CUL3: variants seen among roughly 807,000 people sequenced by gnomAD.
The protein encoded by CUL3 is cullin 3, also known as cullin-3.
Under a neutral mutation model 89.1 loss-of-function variants are expected in CUL3, and 19 were observed. The observed-to-expected ratio is 0.21, with a 90% CI of 0.15 to 0.31. CUL3 has a LOEUF of 0.31. Ranked by LOEUF, CUL3 falls within the 10% of genes least tolerant of loss-of-function variation. The pLI, the probability that CUL3 is intolerant of heterozygous loss-of-function variation, is 1.00. For missense variants in CUL3, 469 were observed against 942.3 expected (o/e 0.50, Z 6.58); for synonymous variants, 351 against 308.4 (o/e 1.14, Z -1.45).
chr2:224,479,048 C>G (rs1442558692), intron 14 of CUL3: 1 of 152,176 alleles, frequency 6.6e-6, no homozygotes, highest in Non-Finnish European at 1.5e-5. Context: ...AAGGGAAATA[C>G]AGAAGTCGTC....
chr2:224,494,804 T>A (rs973957686), intron 13 of CUL3, among the ~76,000 whole-genome samples: 17 of 151,896 alleles, frequency 1.1e-4, no homozygotes, highest in Non-Finnish European at 1.8e-4. Flanking sequence ...ATTGAAAAAA[T>A]AAAAGTAAAT....
intron 3 of CUL3, among the ~76,000 whole-genome samples, chr2:224,529,595 C>T (rs1006386755): frequency 6.6e-6 from 1 of 151,588 alleles, no homozygotes; most frequent in Non-Finnish European, 1.5e-5. Context: ...TGCCACTGTA[C>T]TCCGAGACTC....
intron 13 of CUL3, among the ~76,000 whole-genome samples, chr2:224,487,487 T>A: frequency 8.7e-6 from 1 of 114,818 alleles, no homozygotes; most frequent in Admixed American, 9.4e-5. Context: ...AATCCTAGTC[T>A]CTGATAAAAA....
intron 3 of CUL3, among the ~76,000 whole-genome samples, chr2:224,515,349 T>C (rs925076469): frequency 1.3e-5 from 2 of 152,246 alleles, no homozygotes; most frequent in East Asian, 3.8e-4. Context: ...TCTCAGTTTA[T>C]AAAGCACAGA....
intron 2 of CUL3, among the ~76,000 whole-genome samples, chr2:224,537,324 AT>A (rs1693934057): frequency 6.6e-6 from 1 of 152,204 alleles, no homozygotes; most frequent in South Asian, 2.1e-4. Context: ...ATGAGACAAT[AT>A]ATCTAGTCTA....
chr2:224,496,426 T>C (rs1043750050), intron 12 of CUL3, among the ~76,000 whole-genome samples: 1 of 152,174 alleles, frequency 6.6e-6, no homozygotes, highest in Non-Finnish European at 1.5e-5. Context: ...ATAAAGGAAA[T>C]CTATTTCTTA....
At chr2:224,510,908 T>C (rs1692799765) in intron 6 of CUL3, among the ~76,000 whole-genome samples, 1 of 152,184 alleles carries the variant, frequency 6.6e-6, no homozygotes, top group Non-Finnish European at 1.5e-5. Flanking sequence ...TATTTTTGCA[T>C]TTTCAGCACC....
intron 3 of CUL3, among the ~76,000 whole-genome samples, chr2:224,518,815 T>C (rs1693160154): frequency 1.3e-5 from 2 of 152,224 alleles, no homozygotes; most frequent in African/African-American, 4.8e-5. Context: ...CCCTTCTATT[T>C]GCTATCGGTC....
At chr2:224,482,449 A>G (rs569302604) in intron 13 of CUL3, among the ~76,000 whole-genome samples, 1 of 152,248 alleles carries the variant, frequency 6.6e-6, no homozygotes, top group South Asian at 2.1e-4. Context: ...TCTTCCATCC[A>G]AGTTTATCCA....
At chr2:224,498,964 C>G (rs910792088) in intron 11 of CUL3, among the ~76,000 whole-genome samples, 6 of 152,224 alleles carry the variant, frequency 3.9e-5, no homozygotes, top group Non-Finnish European at 7.4e-5. Flanking sequence ...ATGTTCGAGG[C>G]TTTTTAAGTT....
Position 224,471,294 on chromosome 2 carries a change from G to C in CUL3, c.*2951C>G. 1 of 204,810 alleles carries C rather than the reference G, an allele frequency of 4.9e-6. No homozygotes were observed. The highest frequency in any genetic ancestry group is 1.0e-5 in the Non-Finnish European group (1 of 100,126). 12.7% of individuals were successfully genotyped at this position (204,810 alleles called of 1,614,324 possible). Reference sequence around the variant, plus strand: ...TCTATGAAAGTCTTAAGTTACAGTAGACAGGCAAAGATAAAAATCTTTAAC... The same window carrying C: ...TCTATGAAAGTCTTAAGTTACAGTACACAGGCAAAGATAAAAATCTTTAAC... On this transcript the variant is annotated 3_prime_UTR_variant, in exon 16 of 16. Coordinates refer to ENST00000264414, the MANE Select transcript of CUL3 (RefSeq NM_003590.5).
rs1182495532 is a variant in CUL3, at chr2:224,505,579, C to T, written c.1206+377G>A. Among the ~76,000 whole-genome samples, 3 of 152,148 alleles carry T rather than the reference C, an allele frequency of 2.0e-5. No homozygotes were observed. The East Asian group carries it at 5.8e-4, about 29-fold the overall frequency. ...CTTCTGGGACAACAGGTGTATACCA[C>T]TGTGTGCCACTAATTTTTTTCTTTT... On this transcript the variant is annotated intron_variant, in intron 8 of 15. Coordinates refer to ENST00000264414, the MANE Select transcript of CUL3 (RefSeq NM_003590.5).
chr2:224,519,284 C>A (rs1693176691), intron 3 of CUL3, among the ~76,000 whole-genome samples: 2 of 152,144 alleles, frequency 1.3e-5, no homozygotes, highest in South Asian at 4.1e-4. Context: ...CACATGGGTT[C>A]CATCCCCACA....
intron 3 of CUL3, among the ~76,000 whole-genome samples, chr2:224,530,727 C>T (rs546016010): frequency 1.4e-4 from 21 of 152,008 alleles, no homozygotes; most frequent in Admixed American, 4.6e-4. Context: ...GCCAACATGG[C>T]GAAACCCCAT....
At position 224,506,069 on chromosome 2, in the gene CUL3, G is replaced by C. The variant is rs2106203455; in HGVS notation, c.1093C>G (p.Leu365Val). ...TCACCCGCAATAGTTTGTTTAAAGA[G>C]ACGGTCATTGTTGAATGATTCCAGG... ...FLLESFNNDR[L>V]FKQTIAGDFE... The change falls in exon 8 of 16, where the codon CTC (leucine) becomes GTC (valine). Residue 365 changes from leucine (L) to valine (V), a missense_variant. Leu to Val is a conservative substitution (Grantham distance 32). Transcript: ENST00000264414. The C allele has an allele frequency of 6.2e-7, 1 of 1,612,790 alleles. No individual in the cohort carries two copies. Among genetic ancestry groups the C allele is most frequent in the Admixed American group, 1.7e-5 (1 of 59,956 alleles).
rs926584536 is a variant in CUL3 at position 224,535,419 on chromosome 2, C to G, written c.378+109G>C. On this transcript the variant is annotated intron_variant, in intron 3 of 15. Coordinates refer to ENST00000264414, the MANE Select transcript of CUL3 (RefSeq NM_003590.5). ...TCCTGACCTTAAATGATATGCCCAC[C>G]TTGGCCTCCCAAAGTGCTGGGATTA... is the stretch of plus-strand genomic sequence containing the variant. 3 of 646,916 alleles carry G rather than the reference C, an allele frequency of 4.6e-6. No individual in the cohort carries two copies. The African/African-American group carries it at 5.6e-5, about 12-fold the overall frequency. 40.1% of individuals were successfully genotyped at this position (646,916 alleles called of 1,614,324 possible).
At chr2:224,532,089 G>A (rs773244099) in intron 3 of CUL3, among the ~76,000 whole-genome samples, 10 of 152,194 alleles carry the variant, frequency 6.6e-5, no homozygotes, top group East Asian at 3.9e-4. Flanking sequence ...GTGATTATGA[G>A]CTCATTTGGA....
chr2:224,491,938 T>C (rs143543944), intron 13 of CUL3, among the ~76,000 whole-genome samples: 213 of 152,324 alleles, frequency 1.4e-3, no homozygotes, highest in African/African-American at 4.8e-3. Context: ...TTTCTTTGTA[T>C]TGTAGGGATA....
intron 3 of CUL3, among the ~76,000 whole-genome samples, chr2:224,534,411 T>C (rs558300894): frequency 3.3e-5 from 5 of 152,160 alleles, no homozygotes; most frequent in Admixed American, 6.5e-5. Context: ...TTAAGAAAAA[T>C]AGATGGCAGC....
Sources: gnomAD v4.1 joint callset for allele counts (sites outside exome capture counted in the v4.1 genomes callset) on GRCh38, gnomAD v4.1.1 for gene constraint, MANE v1.5 for transcripts, NCBI Gene and HGNC (gene_info 2026-07-23, HGNC 2026-07-21) for gene names.